Variants in PSG7 observed in about 807,000 individuals in gnomAD.
The protein encoded by PSG7 is pregnancy specific beta-1-glycoprotein 7.
PSG7 carries 57 observed loss-of-function variants against 45.6 expected under a neutral mutation model. The observed-to-expected ratio is 1.25, with a 90% CI of 1.01 to 1.56. PSG7 has a LOEUF of 1.56. PSG7 is among the 40% of genes most tolerant of loss of function. The pLI is 0.00. For synonymous variants in PSG7, 298 were observed against 194.4 expected (o/e 1.53, Z -4.43); for missense variants, 796 against 508.4 (o/e 1.57, Z -5.44).
At chr19:42,932,078 C>T (rs1482739480) in intron 2 of PSG7, among the ~76,000 whole-genome samples, 4 of 151,248 alleles carry the variant, frequency 2.6e-5, no homozygotes, top group South Asian at 4.2e-4. Flanking sequence ...GGCTGGAGTG[C>T]AGTGGCATGA....
chr19:42,933,753 G>A (rs966813842), intron 2 of PSG7, among the ~76,000 whole-genome samples: 1 of 151,168 alleles, frequency 6.6e-6, no homozygotes, highest in African/African-American at 2.4e-5. Context: ...GCAGTGAGCA[G>A]TGAGGGCTAC....
intron 2 of PSG7, among the ~76,000 whole-genome samples, chr19:42,931,542 T>G (rs757016438): frequency 6.6e-6 from 1 of 151,660 alleles, no homozygotes; most frequent in Non-Finnish European, 1.5e-5. Context: ...AAAACAGGTA[T>G]GTGAAATGCT....
rs376813434 is a variant in PSG7, at chr19:42,929,662, C to T, written c.489G>A (p.Glu163=). The T allele has an allele frequency of 1.9e-6, 3 of 1,612,424 alleles. No homozygotes were observed. The highest frequency in any genetic ancestry group is 2.7e-5 in the African/African-American group (2 of 74,728). Reference sequence around the variant, plus strand: ...CAGGATCACAGGTTAAAATCACAGCCTCCGTGGCCTCCCTGGGGTTGAAAT... The same window carrying T: ...CAGGATCACAGGTTAAAATCACAGCTTCCGTGGCCTCCCTGGGGTTGAAAT... ...SSNFNPREAT[E]AVILTCDPET... The change falls in exon 3 of 6, where the codon GAG becomes GAA. Residue 163 remains glutamate, a synonymous_variant. Transcript: ENST00000406070.
rs1247475991 is a variant in PSG7, at chr19:42,926,623, T to C, written c.803A>G (p.Asn268Ser). Residue 268 changes from asparagine (N) to serine (S), a missense_variant, in exon 4 of 6, where the codon AAC becomes AGC. Asn to Ser is a conservative substitution (Grantham distance 46). Transcript: ENST00000406070. ...STFTCEPKSE[N>S]YTYIWWLNGQ... is the part of the protein sequence containing the mutation. ...ATTTAGCCACCAAATGTAGGTGTAG[T>C]TCTCACTCTTAGGTTCACAGGTGAA... 1 of 1,610,026 alleles carries C rather than the reference T, an allele frequency of 6.2e-7. No individual in the cohort carries two copies. Among genetic ancestry groups the C allele is most frequent in the Non-Finnish European group, 8.5e-7 (1 of 1,178,936 alleles).
At position 42,935,611 on chromosome 19, in the gene PSG7, G is replaced by A. The variant is rs782728340; in HGVS notation, c.223C>T (p.Leu75Phe). 9 of 1,612,046 alleles carry A rather than the reference G, an allele frequency of 5.6e-6. No individual in the cohort carries two copies. The Admixed American group carries it at 1.3e-4, about 24-fold the overall frequency. The stretch of plus-strand genomic sequence containing the variant: ...ATATATGATGTAACATAATGGTAGA[G>A]GTCCCTGATTTGTCCTTTGTACCAG... ...YIWYKGQIRD[L>F]YHYVTSYIVD... is the part of the protein sequence containing the mutation. Residue 75 changes from leucine to phenylalanine, a missense_variant, in exon 2 of 6, where the codon CTC becomes TTC. Leu to Phe is a conservative substitution (Grantham distance 22). Transcript: ENST00000406070.
In PSG7 at chr19:42,925,635, G is replaced by A. The variant is rs1445594824; in HGVS notation, c.1243+138C>T. The A allele has an allele frequency of 6.5e-6, 10 of 1,529,876 alleles. No homozygotes were observed. In the African/African-American group the frequency reaches 6.9e-5, roughly 11 times the overall value. 94.8% of individuals were successfully genotyped at this position (1,529,876 alleles called of 1,614,324 possible). ...TCGAAGTTCTTAGACAAATTTGGAG[G>A]GTTCAGGAGGAAAATTTGGGATTTG... On this transcript the variant is annotated intron_variant, in intron 5 of 5. Transcript: ENST00000406070.
At chr19:42,932,874 C>A (rs538394315) in intron 2 of PSG7, among the ~76,000 whole-genome samples, 2 of 151,268 alleles carry the variant, frequency 1.3e-5, no homozygotes, top group Non-Finnish European at 2.9e-5. Flanking sequence ...TGTCATTTGG[C>A]AAGAGTTTAC....
chr19:42,929,358 C>A (rs1972964631), intron 3 of PSG7, 84 bp downstream of exon 3: 4 of 1,607,802 alleles, frequency 2.5e-6, no homozygotes, highest in Non-Finnish European at 3.4e-6. Context: ...CATACTTGGA[C>A]CTGAGAGGGA....
intron 2 of PSG7, among the ~76,000 whole-genome samples, chr19:42,930,496 T>C (rs1022517416): frequency 1.4e-4 from 21 of 151,670 alleles, no homozygotes; most frequent in African/African-American, 4.6e-4. Flanking sequence ...GTGAGGACCA[T>C]GTGGATCTTT....
chr19:42,933,292 TATA>T lies in PSG7; in HGVS notation c.430+2109_430+2111del, dbSNP rs1412197799. On this transcript the variant is annotated intron_variant, in intron 2 of 5. Transcript: ENST00000406070. ...ATATATATATATATATATATATATA[TATA>T]TATATATATATATTTTTTTTTTTTT... Among the ~76,000 whole-genome samples the T allele has an allele frequency of 2.2e-3, 30 of 13,400 alleles. 2 individuals are homozygous for T. The highest frequency in any genetic ancestry group is 4.9e-3 in the African/African-American group (28 of 5,696). 8.8% of individuals were successfully genotyped at this position (13,400 alleles called of 152,430 possible).
rs200463916 is a variant in PSG7 at position 42,929,621 on chromosome 19, C to T, written c.530G>A (p.Ser177Asn). The T allele has an allele frequency of 1.6e-4, 261 of 1,612,496 alleles. 3 individuals are homozygous for T. Among genetic ancestry groups the T allele is most frequent in the Admixed American group, 2.3e-4 (14 of 59,894 alleles). ...CTGACCATTCATCCACCACAGGTAG[C>T]TTGCATCTGGAGTCTCAGGATCACA... ...LTCDPETPDA[S>N]YLWWMNGQSL... Residue 177 changes from serine to asparagine, a missense_variant, in exon 3 of 6, where the codon AGC becomes AAC. Physicochemically the swap from Ser to Asn is conservative, Grantham distance 46 (BLOSUM62 1). Transcript: ENST00000406070.
intron 3 of PSG7, chr19:42,927,708 T>A (rs1972927003): frequency 6.6e-6 from 1 of 151,542 alleles, no homozygotes; most frequent in South Asian, 2.1e-4. Flanking sequence ...AGGGACCTCA[T>A]GTAAGTGGAT....
At chr19:42,930,155 A>G (rs1600567384) in intron 2 of PSG7, among the ~76,000 whole-genome samples, 2 of 151,584 alleles carry the variant, frequency 1.3e-5, no homozygotes, top group Non-Finnish European at 1.5e-5. Context: ...GACATCCTAG[A>G]GATGGATGAT....
intron 2 of PSG7, among the ~76,000 whole-genome samples, chr19:42,933,658 C>G (rs1187825561): frequency 2.0e-5 from 3 of 150,666 alleles, no homozygotes; most frequent in African/African-American, 7.3e-5. Flanking sequence ...GAGGAAGAAG[C>G]TGTGCAGGAC....
In PSG7 at chr19:42,925,583, A is replaced by G; in HGVS notation, c.1243+190T>C. 3 of 1,371,550 alleles carry G rather than the reference A, an allele frequency of 2.2e-6. 1 individual carries two copies. Among genetic ancestry groups the G allele is most frequent in the Non-Finnish European group, 2.9e-6 (3 of 1,018,276 alleles). 85.0% of individuals were successfully genotyped at this position (1,371,550 alleles called of 1,614,324 possible). On this transcript the variant is annotated intron_variant, in intron 5 of 5. Transcript: ENST00000406070. Reference sequence around the variant, plus strand: ...CTTGGTCTAGGCTGGGAATGTTATGAAGATATCAGCCTGTTTGTTAAAGTT... The same window carrying G: ...CTTGGTCTAGGCTGGGAATGTTATGGAGATATCAGCCTGTTTGTTAAAGTT...
At chr19:42,931,540 T>C (rs1013238875) in intron 2 of PSG7, among the ~76,000 whole-genome samples, 1 of 151,600 alleles carries the variant, frequency 6.6e-6, no homozygotes, top group African/African-American at 2.4e-5. Context: ...CCAAAACAGG[T>C]ATGTGAAATG....
chr19:42,937,120 G>T lies in PSG7; in HGVS notation c.-44C>A. ...GTTCTCCTCTGTGGAGATGAGCCTA[G>T]GATCCAGAATCTTCCTGAGCACGGC... is the stretch of plus-strand genomic sequence containing the variant. On this transcript the variant is annotated 5_prime_UTR_variant, in exon 1 of 6. Transcript: ENST00000406070. The T allele has an allele frequency of 6.3e-7, 1 of 1,599,234 alleles. No homozygotes were observed. Among genetic ancestry groups the T allele is most frequent in the South Asian group, 1.1e-5 (1 of 89,854 alleles).
chr19:42,928,925 T>G (rs895867831), intron 3 of PSG7, among the ~76,000 whole-genome samples: 3 of 151,484 alleles, frequency 2.0e-5, no homozygotes, highest in African/African-American at 4.9e-5. Flanking sequence ...GAACTTCCCA[T>G]CAATCAGCCA....
intron 2 of PSG7, 25 bp downstream of exon 2, chr19:42,935,379 C>T (rs781837416): frequency 1.2e-6 from 2 of 1,610,798 alleles, no homozygotes; most frequent in Admixed American, 1.7e-5. Flanking sequence ...CCCCCAACAC[C>T]CAGGGACCAT....
Sources: allele counts gnomAD v4.1 joint callset (sites outside exome capture counted in the v4.1 genomes callset), GRCh38; gene constraint gnomAD v4.1.1; transcripts MANE v1.5; gene names NCBI Gene and HGNC (gene_info 2026-07-23, HGNC 2026-07-21).